Variants in GPM6A observed in about 807,000 individuals in gnomAD.
GPM6A encodes the protein glycoprotein M6A, also known as neuronal membrane glycoprotein M6-a.
GPM6A carries 7 observed loss-of-function variants against 32.1 expected under a neutral mutation model. The ratio of observed to expected loss-of-function variants is 0.22; its 90% CI spans 0.12 to 0.41. The LOEUF is 0.41. GPM6A is among the 10% of genes least tolerant of loss of function. The pLI is 1.00. For missense variants in GPM6A, 235 were observed against 347.2 expected (o/e 0.68, Z 2.57); for synonymous variants, 130 against 123.4 (o/e 1.05, Z -0.35).
At chr4:175,688,409 T>G (rs1744113562) in intron 2 of GPM6A, among the ~76,000 whole-genome samples, 1 of 152,204 alleles carries the variant, frequency 6.6e-6, no homozygotes, top group African/African-American at 2.4e-5. Context: ...TTCATCATAT[T>G]GCATGTGGAG....
chr4:175,908,514 C>T (rs918350645), intron 1 of GPM6A, among the ~76,000 whole-genome samples: 2 of 151,948 alleles, frequency 1.3e-5, no homozygotes, highest in Non-Finnish European at 2.9e-5. Flanking sequence ...TGAAAATCCT[C>T]AAGTTTTCCA....
At chr4:175,957,057 T>C (rs183603317) in intron 1 of GPM6A, among the ~76,000 whole-genome samples, 264 of 151,992 alleles carry the variant, frequency 1.7e-3, no homozygotes, top group Middle Eastern at 0.014. Context: ...CAGAAAAATA[T>C]ATTTTTTTAC....
At chr4:175,898,183 T>C (rs1737852936) in intron 1 of GPM6A, among the ~76,000 whole-genome samples, 1 of 152,200 alleles carries the variant, frequency 6.6e-6, no homozygotes, top group Non-Finnish European at 1.5e-5. Context: ...CTTTCATCTA[T>C]CACATAAATT....
intron 1 of GPM6A, among the ~76,000 whole-genome samples, chr4:175,822,629 AATTT>A (rs761094186): frequency 6.3e-4 from 94 of 149,702 alleles, no homozygotes; most frequent in Non-Finnish European, 1.1e-3. Flanking sequence ...TATTTGAGAT[AATTT>A]ATTTAATTCT....
chr4:175,670,861 A>ATTTTTTTTTTTTTTTTTTTTTTTTTTTTT (rs33998725), intron 3 of GPM6A, among the ~76,000 whole-genome samples: 1 of 124,174 alleles, frequency 8.1e-6, no homozygotes, highest in Non-Finnish European at 1.7e-5. Context: ...ATGTTGCTTC[A>ATTTTTTTTTTTTTTTTTTTTTTTTTTTTT]TTTTTTTTTT....
At chr4:175,717,126 G>A (rs1579420672) in intron 1 of GPM6A, among the ~76,000 whole-genome samples, 2 of 151,624 alleles carry the variant, frequency 1.3e-5, no homozygotes, top group Non-Finnish European at 2.9e-5. Flanking sequence ...ATTTCCCACT[G>A]CGGCCCACTT....
intron 1 of GPM6A, among the ~76,000 whole-genome samples, chr4:175,856,373 T>C (rs1736416946): frequency 6.6e-6 from 1 of 152,104 alleles, no homozygotes; most frequent in Non-Finnish European, 1.5e-5. Context: ...GGGGAGCACA[T>C]AGGTGAGTGG....
In GPM6A at chr4:175,657,523, A is replaced by G. The variant is rs145707357; in HGVS notation, c.388-5536T>C. 2.0e-3 allele frequency among the ~76,000 whole-genome samples: 302 copies of G among 152,278 alleles called. 1 individual carries two copies. The highest frequency in any genetic ancestry group is 6.9e-3 in the African/African-American group (287 of 41,554). The stretch of plus-strand genomic sequence containing the variant: ...GTTGTGAAGACTTATTTGATCTTCA[A>G]CTTTAGACTCTGACAGGGTACTATT... On this transcript the variant is annotated intron_variant, in intron 3 of 6. Coordinates refer to ENST00000393658, the MANE Select transcript of GPM6A (RefSeq NM_201591.3).
chr4:175,734,151 TATATATA>T (rs1433471260), intron 1 of GPM6A, among the ~76,000 whole-genome samples: 1 of 143,676 alleles, frequency 7.0e-6, no homozygotes, highest in Non-Finnish European at 1.5e-5. Context: ...TATATATATA[TATATATA>T]TATTTTTTAA....
At chr4:175,861,466 T>C (rs1209083844) in intron 1 of GPM6A, among the ~76,000 whole-genome samples, 1 of 151,546 alleles carries the variant, frequency 6.6e-6, no homozygotes, top group Non-Finnish European at 1.5e-5. Flanking sequence ...ATCAGATATA[T>C]ACTGGCCAGG....
chr4:175,711,259 T>G (rs1316715568), intron 1 of GPM6A, among the ~76,000 whole-genome samples: 1 of 151,206 alleles, frequency 6.6e-6, no homozygotes, highest in African/African-American at 2.4e-5. Flanking sequence ...AATTCACTCT[T>G]AATTAGAAAG....
intron 1 of GPM6A, among the ~76,000 whole-genome samples, chr4:175,889,182 A>G (rs532459477): frequency 6.6e-6 from 1 of 152,336 alleles, no homozygotes; most frequent in East Asian, 1.9e-4. Context: ...AAAACTTTAT[A>G]ACTTTTAGAA....
intron 1 of GPM6A, among the ~76,000 whole-genome samples, chr4:175,860,915 T>C (rs1163683670): frequency 6.6e-6 from 1 of 152,160 alleles, no homozygotes; most frequent in Non-Finnish European, 1.5e-5. Flanking sequence ...TGGTGAATTC[T>C]AGGAAAAATA....
chr4:175,888,687 T>C (rs931017107), intron 1 of GPM6A, among the ~76,000 whole-genome samples: 1 of 152,092 alleles, frequency 6.6e-6, no homozygotes, highest in African/African-American at 2.4e-5. Context: ...AGAACAGAAA[T>C]GTCTTAAATA....
chr4:175,723,035 A>G (rs1163835753), intron 1 of GPM6A, among the ~76,000 whole-genome samples: 2 of 152,056 alleles, frequency 1.3e-5, no homozygotes, highest in Non-Finnish European at 2.9e-5. Context: ...GGTGACAGAG[A>G]CCCCGTCTAA....
rs368317113 is a variant in GPM6A at position 175,782,277 on chromosome 4, C to T, written c.37+29914G>A. Among the ~76,000 whole-genome samples the T allele has an allele frequency of 7.2e-5, 11 of 152,210 alleles. No individual in the cohort carries two copies. In the East Asian group the frequency reaches 1.9e-3, roughly 27 times the overall value. On this transcript the variant is annotated intron_variant, in intron 1 of 6. Transcript: ENST00000393658. ...GTTTCTCAACGATTTTTTTCCCTCA[C>T]CCACCTAGGCTTTTGCTGGGGCTAT...
chr4:175,802,934 G>A (rs1213343796), intron 1 of GPM6A, among the ~76,000 whole-genome samples: 1 of 151,944 alleles, frequency 6.6e-6, no homozygotes, highest in Non-Finnish European at 1.5e-5. Flanking sequence ...TATATTTCAG[G>A]TCAAAGAATA....
chr4:175,935,658 G>T (rs527835184), intron 1 of GPM6A, among the ~76,000 whole-genome samples: 1 of 152,062 alleles, frequency 6.6e-6, no homozygotes, highest in Admixed American at 6.6e-5. Flanking sequence ...GGAATAAAAT[G>T]ATTTGAATAA....
At chr4:175,940,284 T>C (rs1480121014) in intron 1 of GPM6A, among the ~76,000 whole-genome samples, 1 of 91,662 alleles carries the variant, frequency 1.1e-5, no homozygotes, top group Non-Finnish European at 2.4e-5. Flanking sequence ...AAATTACTTT[T>C]AACAGTCTCA....
Sources: allele counts gnomAD v4.1 joint callset (sites outside exome capture counted in the v4.1 genomes callset), GRCh38; gene constraint gnomAD v4.1.1; transcripts MANE v1.5; gene names NCBI Gene and HGNC (gene_info 2026-07-23, HGNC 2026-07-21).